KCNK1: variants seen among roughly 807,000 people sequenced by gnomAD.
KCNK1 encodes the protein potassium two pore domain channel subfamily K member 1, also known as potassium channel subfamily K member 1.
In KCNK1, 10 loss-of-function variants were observed where a neutral mutation model predicts 22.2. The ratio of observed to expected loss-of-function variants is 0.45; its 90% CI spans 0.28 to 0.76. KCNK1 has a LOEUF of 0.76. KCNK1 is among the 30% of genes least tolerant of loss of function. The probability of loss-of-function intolerance (pLI) is 0.14; values close to 1 mark genes in which losing one functional copy is unlikely to be tolerated. For synonymous variants in KCNK1, 200 were observed against 186.4 expected, an observed-to-expected ratio of 1.07 and a Z score of -0.60; for missense variants, 378 against 421.0, an observed-to-expected ratio of 0.90 and a Z score of 0.89.
chr1:233,645,219 A>ATCATCC (rs1440704688), intron 1 of KCNK1, among the ~76,000 whole-genome samples: 1 of 152,012 alleles, frequency 6.6e-6, no homozygotes, highest in East Asian at 1.9e-4. Flanking sequence ...GAGATATGAC[A>ATCATCC]TCATTTTTAT....
chr1:233,645,001 T>C (rs1571897964), intron 1 of KCNK1, among the ~76,000 whole-genome samples: 2 of 152,224 alleles, frequency 1.3e-5, no homozygotes, highest in African/African-American at 4.8e-5. Context: ...AAGACCATCC[T>C]GGCCAACATG....
chr1:233,655,464 A>G (rs1658274005), intron 1 of KCNK1, among the ~76,000 whole-genome samples: 1 of 152,170 alleles, frequency 6.6e-6, no homozygotes, highest in Non-Finnish European at 1.5e-5. Flanking sequence ...GAATGGACTG[A>G]ATGCATTTTG....
intron 1 of KCNK1, among the ~76,000 whole-genome samples, chr1:233,664,393 T>G (rs1358678858): frequency 2.0e-5 from 3 of 152,178 alleles, no homozygotes; most frequent in Non-Finnish European, 4.4e-5. Context: ...TTCATGTTAT[T>G]CTCAAGGCAC....
In KCNK1 at chr1:233,614,300, G is replaced by T. The variant is rs1162916248; in HGVS notation, c.129G>T (p.Ser43=). The stretch of plus-strand genomic sequence containing the variant: ...TCTTCGGCGCAGTGGTCTTCTCCTC[G>T]GTGGAGCTGCCCTATGAGGACCTGC... ...YLVFGAVVFS[S]VELPYEDLLR... Residue 43 remains serine, a synonymous_variant, in exon 1 of 3, where the codon TCG becomes TCT. Coordinates refer to ENST00000366621, the MANE Select transcript of KCNK1 (RefSeq NM_002245.4). 6.2e-7 allele frequency: 1 copy of T among 1,613,000 alleles called. No individual in the cohort carries two copies. Among genetic ancestry groups the T allele is most frequent in the Non-Finnish European group, 8.5e-7 (1 of 1,179,700 alleles).
rs1358318512 is a variant in KCNK1 at position 233,672,028 on chromosome 1, AT to A, written c.*501del. ...TTGTAGAATCTAAGTTAAACTTACT[AT>A]TTATAATGCATAGGTAACCATTAAC... On this transcript the variant is annotated 3_prime_UTR_variant, in exon 3 of 3. Coordinates refer to ENST00000366621, the MANE Select transcript of KCNK1 (RefSeq NM_002245.4). The A allele has an allele frequency of 1.8e-5, 3 of 162,410 alleles. No homozygotes were observed. The highest frequency in any genetic ancestry group is 7.2e-5 in the African/African-American group (3 of 41,502). The allele number at this position is 162,410 out of a possible 1,614,324, so 10.1% of individuals were successfully genotyped here. A position where few individuals can be genotyped will look rare whatever the true frequency, so the allele number is the denominator to read the frequency against.
intron 1 of KCNK1, chr1:233,624,110 A>T (rs1187436047): frequency 6.5e-6 from 1 of 154,030 alleles, no homozygotes; most frequent in Non-Finnish European, 1.5e-5. Context: ...TAAGCTATTT[A>T]CTCAAGTCGA....
intron 2 of KCNK1, among the ~76,000 whole-genome samples, chr1:233,668,621 T>C (rs934336984): frequency 6.6e-6 from 1 of 152,194 alleles, no homozygotes; most frequent in African/African-American, 2.4e-5. Flanking sequence ...TTTTTTTTTT[T>C]TGAGATGGAG....
At chr1:233,642,454 T>G (rs1658015464) in intron 1 of KCNK1, among the ~76,000 whole-genome samples, 1 of 152,170 alleles carries the variant, frequency 6.6e-6, no homozygotes, top group Non-Finnish European at 1.5e-5. Context: ...CTGAGGGGCT[T>G]GAAGACAGGT....
intron 1 of KCNK1, among the ~76,000 whole-genome samples, chr1:233,662,116 G>A (rs1019210627): frequency 6.6e-6 from 1 of 152,210 alleles, no homozygotes; most frequent in Non-Finnish European, 1.5e-5. Context: ...TGAAGTCGAG[G>A]ACTGCAAAGT....
At chr1:233,650,485 GT>G (rs2102901099) in intron 1 of KCNK1, among the ~76,000 whole-genome samples, 1 of 152,292 alleles carries the variant, frequency 6.6e-6, no homozygotes, top group South Asian at 2.1e-4. Context: ...TAGGAAGAGT[GT>G]GGCCAATATG....
chr1:233,667,521 G>C (rs1021448183), intron 2 of KCNK1, among the ~76,000 whole-genome samples: 8 of 151,894 alleles, frequency 5.3e-5, no homozygotes, highest in Non-Finnish European at 1.0e-4. Context: ...ACGAGGTCAG[G>C]AGATCGAGAC....
intron 1 of KCNK1, among the ~76,000 whole-genome samples, chr1:233,638,624 C>T (rs947503171): frequency 6.6e-6 from 1 of 152,162 alleles, no homozygotes; most frequent in Non-Finnish European, 1.5e-5. Context: ...CAGGGCCTCC[C>T]CTTGAGGAGG....
At chr1:233,621,915 C>T (rs1287521470) in intron 1 of KCNK1, among the ~76,000 whole-genome samples, 2 of 151,826 alleles carry the variant, frequency 1.3e-5, no homozygotes, top group African/African-American at 4.8e-5. Flanking sequence ...GCTCTCAGAA[C>T]AAGCTATTTT....
intron 1 of KCNK1, among the ~76,000 whole-genome samples, chr1:233,663,647 C>T (rs1450738462): frequency 6.6e-6 from 1 of 152,086 alleles, no homozygotes; most frequent in East Asian, 1.9e-4. Flanking sequence ...GACTTAAAGG[C>T]CTTCGTGGAG....
rs377065201 is a variant in KCNK1, at chr1:233,631,813, T to A, written c.355+17287T>A. 3.9e-4 allele frequency among the ~76,000 whole-genome samples: 59 copies of A among 152,318 alleles called. 1 individual carries two copies. Among genetic ancestry groups the A allele is most frequent in the African/African-American group, 1.4e-3 (58 of 41,570 alleles). On this transcript the variant is annotated intron_variant, in intron 1 of 2. Coordinates refer to ENST00000366621, the MANE Select transcript of KCNK1 (RefSeq NM_002245.4). ...GATTACATGCTGATAGATTCTGGTT[T>A]TTTTTAAGCAAGTAATTCTCCTTTT...
At position 233,658,674 on chromosome 1, in the gene KCNK1, C is replaced by T. The variant is rs59351098; in HGVS notation, c.356-7921C>T. ...GAGTGTACAAAGCTGAATGCTATAG[C>T]ATATTGCTCTAGGTTACAAACTTGT... On this transcript the variant is annotated intron_variant, in intron 1 of 2. Coordinates refer to ENST00000366621, the MANE Select transcript of KCNK1 (RefSeq NM_002245.4). 8.1e-3 allele frequency among the ~76,000 whole-genome samples: 1,238 copies of T among 152,256 alleles called. 49 individuals carry two copies. In the East Asian group the frequency reaches 0.11, roughly 14 times the overall value.
At chr1:233,625,837 G>C (rs1657679594) in intron 1 of KCNK1, among the ~76,000 whole-genome samples, 1 of 152,144 alleles carries the variant, frequency 6.6e-6, no homozygotes, top group African/African-American at 2.4e-5. Flanking sequence ...CAGAACAAAG[G>C]CACCTATTGG....
At chr1:233,654,074 C>T (rs988614770) in intron 1 of KCNK1, among the ~76,000 whole-genome samples, 10 of 152,034 alleles carry the variant, frequency 6.6e-5, no homozygotes, top group South Asian at 2.1e-4. Context: ...CTTAATCCTC[C>T]TAGAAAATAC....
At position 233,614,320 on chromosome 1, in the gene KCNK1, A is replaced by C; in HGVS notation, c.149A>C (p.Asp50Ala). 1 of 1,612,184 alleles carries C rather than the reference A, an allele frequency of 6.2e-7. No individual in the cohort carries two copies. Among genetic ancestry groups the C allele is most frequent in the Non-Finnish European group, 8.5e-7 (1 of 1,179,328 alleles). The change falls in exon 1 of 3, where the codon GAC becomes GCC. Residue 50 changes from aspartate (D) to alanine (A), a missense_variant. Physicochemically the swap from Asp to Ala is moderately radical, Grantham distance 126. Transcript: ENST00000366621. ...TCCTCGGTGGAGCTGCCCTATGAGG[A>C]CCTGCTGCGCCAGGAGCTGCGCAAG... ...VFSSVELPYE[D>A]LLRQELRKLK...
Sources: gnomAD v4.1 joint callset for allele counts (sites outside exome capture counted in the v4.1 genomes callset) on GRCh38, gnomAD v4.1.1 for gene constraint, MANE v1.5 for transcripts, NCBI Gene and HGNC (gene_info 2026-07-23, HGNC 2026-07-21) for gene names.